ALCAM: variants seen among roughly 807,000 people sequenced by gnomAD.
ALCAM encodes the protein activated leukocyte cell adhesion molecule, also known as CD166 antigen.
Under a neutral mutation model 70.9 loss-of-function variants are expected in ALCAM, and 30 were observed. That is an observed-to-expected ratio of 0.42 (90% CI 0.32 to 0.57). The LOEUF (loss-of-function observed/expected upper bound fraction) is 0.57. Ranked by LOEUF, ALCAM falls within the 20% of genes least tolerant of loss-of-function variation. ALCAM has a pLI of 0.11. For synonymous variants in ALCAM, 249 were observed against 242.5 expected (o/e 1.03, Z -0.25); for missense variants, 591 against 695.1 (o/e 0.85, Z 1.68).
intron 14 of ALCAM, among the ~76,000 whole-genome samples, chr3:105,560,884 T>A (rs2152633988): frequency 6.6e-6 from 1 of 152,300 alleles, no homozygotes; most frequent in Admixed American, 6.5e-5. Context: ...AGAGGTCTTA[T>A]TTCTTTGCAT....
At chr3:105,423,296 A>C (rs1051564555) in intron 1 of ALCAM, among the ~76,000 whole-genome samples, 1 of 151,414 alleles carries the variant, frequency 6.6e-6, no homozygotes, top group Non-Finnish European at 1.5e-5. Context: ...GAAAACAATA[A>C]ATATTGTGAC....
At chr3:105,571,734 A>G (rs1407990238) in intron 14 of ALCAM, 118 bp from the exon 15 acceptor site, 1 of 739,986 alleles carries the variant, frequency 1.4e-6, no homozygotes, top group Non-Finnish European at 2.1e-6. Flanking sequence ...ATTTTTGCCT[A>G]GCGGTTTGCT....
rs554482910 is a variant in ALCAM, at chr3:105,515,940, G to T, written c.74-4127G>T. On this transcript the variant is annotated intron_variant, in intron 1 of 15. Coordinates refer to ENST00000306107, the MANE Select transcript of ALCAM (RefSeq NM_001627.4). The stretch of plus-strand genomic sequence containing the variant: ...TCAAATAAGTCTCTGTAAAATTTTT[G>T]TGAAACCGGCATTTAGTTCTTATAA... Among the ~76,000 whole-genome samples, 4 of 152,106 alleles carry T rather than the reference G, an allele frequency of 2.6e-5. No homozygotes were observed. In the South Asian group the frequency reaches 8.3e-4, roughly 32 times the overall value.
chr3:105,537,560 T>C (rs1576228920), intron 6 of ALCAM, among the ~76,000 whole-genome samples: 1 of 152,268 alleles, frequency 6.6e-6, no homozygotes, highest in East Asian at 1.9e-4. Flanking sequence ...TGGTCTGTTC[T>C]ACTTTCCAGA....
At chr3:105,376,292 A>T (rs1309186888) in intron 1 of ALCAM, among the ~76,000 whole-genome samples, 1 of 152,206 alleles carries the variant, frequency 6.6e-6, no homozygotes, top group Non-Finnish European at 1.5e-5. Flanking sequence ...GGTTTAAGAG[A>T]TTACCTAAAA....
At chr3:105,376,139 G>A (rs1385984467) in intron 1 of ALCAM, among the ~76,000 whole-genome samples, 2 of 151,942 alleles carry the variant, frequency 1.3e-5, no homozygotes, top group Non-Finnish European at 2.9e-5. Flanking sequence ...GAGAGAGAAT[G>A]AATTCTGAAG....
Position 105,367,131 on chromosome 3 carries a change from C to T in ALCAM, c.-278C>T, listed in dbSNP as rs1935078221. The T allele has an allele frequency of 2.1e-6, 1 of 485,104 alleles. No individual in the cohort carries two copies. Among genetic ancestry groups the T allele is most frequent in the East Asian group, 3.8e-5 (1 of 26,126 alleles). 30.0% of individuals were successfully genotyped at this position (485,104 alleles called of 1,614,324 possible). On this transcript the variant is annotated 5_prime_UTR_variant, in exon 1 of 16. Coordinates refer to ENST00000306107, the MANE Select transcript of ALCAM (RefSeq NM_001627.4). ...ACCTTTCCGAATTACTCAAGTGTCT[C>T]CTGGAAACAGAGGGTCGTTGTCCCC...
At chr3:105,552,692 GA>G in intron 14 of ALCAM, 107 bp downstream of exon 14, 1 of 1,567,870 alleles carries the variant, frequency 6.4e-7, no homozygotes, top group East Asian at 2.3e-5. Context: ...ATACAATAAG[GA>G]AGATGTATCC....
chr3:105,366,917 C>T lies in ALCAM; in HGVS notation c.-492C>T, dbSNP rs1476910826. On this transcript the variant is annotated 5_prime_UTR_variant, in exon 1 of 16. Coordinates refer to ENST00000306107, the MANE Select transcript of ALCAM (RefSeq NM_001627.4). ...TTCCAGTCCCTCTACTCAGAGCAGC[C>T]CGGAGACCGCTGCCGCCGCTGCCGC... The T allele has an allele frequency of 1.2e-5, 2 of 161,670 alleles. No individual in the cohort carries two copies. Among genetic ancestry groups the T allele is most frequent in the Non-Finnish European group, 2.7e-5 (2 of 73,522 alleles). The allele number at this position is 161,670 out of a possible 1,614,324, so 10.0% of individuals were successfully genotyped here.
chr3:105,372,222 G>T (rs911927996), intron 1 of ALCAM, among the ~76,000 whole-genome samples: 2 of 151,958 alleles, frequency 1.3e-5, no homozygotes, highest in Non-Finnish European at 2.9e-5. Flanking sequence ...CAGGCTGTTT[G>T]GTAAGGTTAA....
intron 1 of ALCAM, among the ~76,000 whole-genome samples, chr3:105,386,211 G>A (rs1475760638): frequency 2.0e-5 from 3 of 151,512 alleles, no homozygotes; most frequent in Non-Finnish European, 3.0e-5. Flanking sequence ...GGGAAGTTTG[G>A]GTAAACAAAT....
At chr3:105,551,094 G>A (rs1940390641) in intron 12 of ALCAM, among the ~76,000 whole-genome samples, 1 of 151,456 alleles carries the variant, frequency 6.6e-6, no homozygotes, top group African/African-American at 2.4e-5. Context: ...TAGCAGGCTA[G>A]GACTACACTA....
intron 14 of ALCAM, among the ~76,000 whole-genome samples, chr3:105,557,318 G>A (rs372088335): frequency 6.6e-6 from 1 of 151,928 alleles, no homozygotes; most frequent in Non-Finnish European, 1.5e-5. Flanking sequence ...ATAATAGAGG[G>A]GACTTGATGG....
chr3:105,532,373 T>A (rs1238810350), intron 4 of ALCAM, among the ~76,000 whole-genome samples: 2 of 152,146 alleles, frequency 1.3e-5, no homozygotes, highest in African/African-American at 4.8e-5. Context: ...CCCAACAGTT[T>A]GGGAGGTTAA....
chr3:105,460,903 A>G (rs1576178408), intron 1 of ALCAM, among the ~76,000 whole-genome samples: 1 of 151,322 alleles, frequency 6.6e-6, no homozygotes, highest in East Asian at 1.9e-4. Context: ...GACAATTTAG[A>G]TATATGTTTT....
intron 1 of ALCAM, among the ~76,000 whole-genome samples, chr3:105,480,102 A>C (rs897969040): frequency 6.6e-6 from 1 of 152,174 alleles, no homozygotes; most frequent in African/African-American, 2.4e-5. Flanking sequence ...AAGTTTATTC[A>C]TTCATTGTCC....
intron 9 of ALCAM, 42 bp downstream of exon 9, chr3:105,545,377 T>A (rs777256767): frequency 1.4e-6 from 2 of 1,444,720 alleles, no homozygotes; most frequent in South Asian, 2.3e-5. Context: ...TTGGTTTGAT[T>A]TCTTTTTAGG....
Position 105,524,373 on chromosome 3 carries a change from A to C in ALCAM, c.259A>C (p.Lys87Gln), listed in dbSNP as rs758474954. 1.9e-6 allele frequency: 3 copies of C among 1,614,076 alleles called. No individual in the cohort carries two copies. The Admixed American group carries it at 5.0e-5, about 27-fold the overall frequency. ...GCAGTACGACGATGTACCAGAATAC[A>C]AAGACAGATTGAACCTCTCAGAAAA... Reference protein sequence around the residue: ...SVQYDDVPEYKDRLNLSENYT... With the variant: ...SVQYDDVPEYQDRLNLSENYT... The change falls in exon 3 of 16, where the codon AAA becomes CAA. Residue 87 changes from lysine to glutamine, a missense_variant. By Grantham distance (53) the Lys-to-Gln change is moderately conservative. This residue lies in a region of ALCAM where 427 missense variants were observed against 450.4 expected (regional missense o/e 0.95). Coordinates refer to ENST00000306107, the MANE Select transcript of ALCAM (RefSeq NM_001627.4).
intron 1 of ALCAM, among the ~76,000 whole-genome samples, chr3:105,400,674 C>T (rs1383106895): frequency 6.6e-6 from 1 of 152,050 alleles, no homozygotes; most frequent in Non-Finnish European, 1.5e-5. Context: ...ACTAAACACT[C>T]AAGTGTAAGA....
Sources: allele counts gnomAD v4.1 joint callset (sites outside exome capture counted in the v4.1 genomes callset), GRCh38; gene constraint gnomAD v4.1.1; regional missense constraint gnomAD v4.1.1; transcripts MANE v1.5; gene names NCBI Gene and HGNC (gene_info 2026-07-23, HGNC 2026-07-21).